The following PPP6R2 variants were observed in gnomAD, a reference collection of about 807,000 sequenced individuals.
PPP6R2 encodes the protein serine/threonine-protein phosphatase 6 regulatory subunit 2.
Under a neutral mutation model 100.2 loss-of-function variants are expected in PPP6R2, and 62 were observed. That is an observed-to-expected ratio of 0.62 (90% CI 0.50 to 0.76). The LOEUF (loss-of-function observed/expected upper bound fraction) is 0.76, where lower values mean the gene tolerates loss of function less well. Ranked by LOEUF, PPP6R2 falls within the 30% of genes least tolerant of loss-of-function variation. The pLI, the probability that PPP6R2 is intolerant of heterozygous loss-of-function variation, is 0.00. For synonymous variants in PPP6R2, 525 were observed against 514.7 expected (o/e 1.02, Z -0.27); for missense variants, 1,142 against 1,276.3 (o/e 0.89, Z 1.60).
chr22:50,352,011 G>A (rs2045403249), intron 1 of PPP6R2, among the ~76,000 whole-genome samples: 1 of 152,090 alleles, frequency 6.6e-6, no homozygotes, highest in Non-Finnish European at 1.5e-5. Flanking sequence ...TAGCCAGGAT[G>A]GTCTCCATCT....
chr22:50,346,955 C>A (rs374667583), intron 1 of PPP6R2, among the ~76,000 whole-genome samples: 13 of 151,838 alleles, frequency 8.6e-5, no homozygotes, highest in East Asian at 1.9e-4. Context: ...TCAGTCCAAG[C>A]GCTCTGTGAC....
At chr22:50,339,934 GGTGTGTGTGTTATGTAGT>G (rs2042353283), upstream of PPP6R2, among the ~76,000 whole-genome samples, 1 of 130,020 alleles carries the variant, frequency 7.7e-6, no homozygotes, top group African/African-American at 2.9e-5. Context: ...TGGGGTGTGT[GGTGTGTGTGTTATGTAGT>G]GTGTGTGTGT....
upstream of PPP6R2, chr22:50,343,258 G>T (rs1343690805): frequency 3.4e-5 from 5 of 148,470 alleles, no homozygotes; most frequent in Non-Finnish European, 6.0e-5. Context: ...GCGCGGCCCC[G>T]CCCCCGGCCG....
chr22:50,398,950 T>G (rs78321611), intron 3 of PPP6R2, among the ~76,000 whole-genome samples: 1 of 152,166 alleles, frequency 6.6e-6, no homozygotes, highest in Non-Finnish European at 1.5e-5. Flanking sequence ...ACACTTTTTT[T>G]GAGAAATAGA....
intron 2 of PPP6R2, among the ~76,000 whole-genome samples, chr22:50,386,906 C>G (rs765927460): frequency 5.9e-5 from 9 of 152,080 alleles, no homozygotes; most frequent in African/African-American, 2.2e-4. Flanking sequence ...AAACTGGGGA[C>G]AAGTAGAATG....
chr22:50,364,762 C>T (rs2048408009), intron 1 of PPP6R2, among the ~76,000 whole-genome samples: 1 of 152,056 alleles, frequency 6.6e-6, no homozygotes, highest in Non-Finnish European at 1.5e-5. Context: ...AGACACTCAG[C>T]ATATTTAGAT....
intron 2 of PPP6R2, among the ~76,000 whole-genome samples, chr22:50,382,426 G>A (rs371929080): frequency 5.3e-5 from 8 of 150,898 alleles, no homozygotes; most frequent in Admixed American, 3.3e-4. Flanking sequence ...GTGAAACCCC[G>A]TCTCTACTAA....
chr22:50,428,959 T>C (rs995516942), intron 10 of PPP6R2, among the ~76,000 whole-genome samples: 3 of 152,340 alleles, frequency 2.0e-5, no homozygotes, highest in Admixed American at 2.0e-4. Context: ...GGGCTTTTCA[T>C]AGGTGCCTTT....
chr22:50,401,507 A>ATTT (rs756082193), intron 3 of PPP6R2, among the ~76,000 whole-genome samples: 4 of 112,938 alleles, frequency 3.5e-5, no homozygotes, highest in South Asian at 2.7e-4. Context: ...CGCCAGGCCA[A>ATTT]TTTTTTTTTT....
chr22:50,418,945 C>G lies in PPP6R2; in HGVS notation c.697C>G (p.Leu233Val). The change falls in exon 7 of 24, where the codon CTG (leucine) becomes GTG (valine). Residue 233 changes from leucine to valine, a missense_variant. By Grantham distance (32) the Leu-to-Val change is conservative. Transcript: ENST00000612753. ...RDQGSQLQEALEPDPLLTALE... is the reference protein window; with the variant it reads ...RDQGSQLQEAVEPDPLLTALE... ...CCAGGGCAGTCAGCTGCAAGAGGCT[C>G]TGGAGCCAGACCCGCTCCTCACAGC... 1 of 1,613,922 alleles carries G rather than the reference C, an allele frequency of 6.2e-7. No homozygotes were observed. Among genetic ancestry groups the G allele is most frequent in the Non-Finnish European group, 8.5e-7 (1 of 1,179,836 alleles).
At chr22:50,340,644 G>A (rs909225950), upstream of PPP6R2, among the ~76,000 whole-genome samples, 1 of 151,494 alleles carries the variant, frequency 6.6e-6, no homozygotes, top group African/African-American at 2.4e-5. Context: ...ACAGTGACCA[G>A]GGAAACCCCC....
rs930488617 is a variant in PPP6R2 at position 50,414,535 on chromosome 22, G to A, written c.415-17G>A. 6 of 1,613,656 alleles carry A rather than the reference G, an allele frequency of 3.7e-6. No individual in the cohort carries two copies. The highest frequency in any genetic ancestry group is 5.1e-6 in the Non-Finnish European group (6 of 1,179,726). On this transcript the variant is annotated splice_polypyrimidine_tract_variant and intron_variant, in intron 4 of 23. Coordinates refer to ENST00000612753, the MANE Select transcript of PPP6R2 (RefSeq NM_001242898.2). ...CAGGGTCGGCCCCGCCTGCCTCTCA[G>A]GTGTGTGTGATTTCAGGTGATTACG...
intron 8 of PPP6R2, 131 bp from the exon 9 acceptor site, chr22:50,422,123 G>A: frequency 8.6e-7 from 1 of 1,167,172 alleles, no homozygotes; most frequent in South Asian, 1.6e-5. Flanking sequence ...CTGGGTAGCT[G>A]CACTGCTCTA....
At position 50,435,068 on chromosome 22, in the gene PPP6R2, C is replaced by T. The variant is rs1134848; in HGVS notation, c.1503C>T (p.Ser501=). 191,308 of 1,549,224 alleles carry T rather than the reference C, an allele frequency of 0.12. 13,391 individuals are homozygous for T. The highest frequency in any genetic ancestry group is 0.17 in the Middle Eastern group (741 of 4,462). ...GGGGCCCTGTGCAGACGCACATCAG[C>T]GAGGTCATCCGAGGTGAGCCCCCAA... ...LERGPVQTHI[S]EVIRGLPADC... Residue 501 remains serine, a synonymous_variant, in exon 13 of 24, where the codon AGC becomes AGT. Coordinates refer to ENST00000612753, the MANE Select transcript of PPP6R2 (RefSeq NM_001242898.2).
chr22:50,340,283 GTA>G (rs1259325296), upstream of PPP6R2, among the ~76,000 whole-genome samples: 1 of 116,674 alleles, frequency 8.6e-6, no homozygotes, highest in African/African-American at 3.3e-5. Context: ...GTGGTATGTG[GTA>G]TGTGTGTGGT....
intron 10 of PPP6R2, among the ~76,000 whole-genome samples, chr22:50,428,925 A>G (rs2062659475): frequency 6.6e-6 from 1 of 152,190 alleles, no homozygotes; most frequent in Non-Finnish European, 1.5e-5. Flanking sequence ...TCAGTCTTTC[A>G]GCATTGAATA....
At chr22:50,338,171 AG>A in the PPP6R2 span, among the ~76,000 whole-genome samples, 1 of 74,000 alleles carries the variant, frequency 1.4e-5, no homozygotes, top group African/African-American at 5.2e-5. Flanking sequence ...GCGATGTGTG[AG>A]GTGTGTGTGT....
upstream of PPP6R2, among the ~76,000 whole-genome samples, chr22:50,340,543 T>C (rs2042361412): frequency 7.0e-6 from 1 of 143,748 alleles, no homozygotes; most frequent in African/African-American, 2.7e-5. Flanking sequence ...GTGGTGTGTG[T>C]GTCGCGTGTG....
At chr22:50,437,979 T>C in intron 17 of PPP6R2, 79 bp downstream of exon 17, 3 of 1,556,764 alleles carry the variant, frequency 1.9e-6, no homozygotes, top group Non-Finnish European at 1.8e-6. Flanking sequence ...CGGTCTGTCA[T>C]GGGCCTGTGC....
Sources: allele counts gnomAD v4.1 joint callset (sites outside exome capture counted in the v4.1 genomes callset), GRCh38; gene constraint gnomAD v4.1.1; transcripts MANE v1.5; gene names NCBI Gene and HGNC (gene_info 2026-07-23, HGNC 2026-07-21).